Variants in WWP1 observed in about 807,000 individuals in gnomAD.
The protein encoded by WWP1 is WW domain containing E3 ubiquitin protein ligase 1.
WWP1 carries 49 observed loss-of-function variants against 130.6 expected under a neutral mutation model. The ratio of observed to expected loss-of-function variants is 0.38; its 90% confidence interval spans 0.30 to 0.48. WWP1 has a LOEUF of 0.48. Ranked by LOEUF, WWP1 falls within the 20% of genes least tolerant of loss-of-function variation. The pLI, the probability that WWP1 is intolerant of heterozygous loss-of-function variation, is 0.99. For missense variants in WWP1, 809 were observed against 1,100.6 expected (o/e 0.74, Z 3.75); for synonymous variants, 332 against 367.8 (o/e 0.90, Z 1.11).
chr8:86,442,837 CTT>C, intron 18 of WWP1, 59 bp downstream of exon 18: 1 of 1,332,562 alleles, frequency 7.5e-7, no homozygotes, highest in Non-Finnish European at 9.7e-7. Flanking sequence ...TTAGAGAAGG[CTT>C]TTAAAAAAAA....
At position 86,372,017 on chromosome 8, in the gene WWP1, A is replaced by ATTTTT. The variant is rs34458424; in HGVS notation, c.-21-1993_-21-1989dup. 1.6e-3 allele frequency among the ~76,000 whole-genome samples: 109 copies of ATTTTT among 70,196 alleles called. 5 individuals carry two copies. Among genetic ancestry groups the ATTTTT allele is most frequent in the African/African-American group, 6.0e-3 (101 of 16,784 alleles). 46.1% of individuals were successfully genotyped at this position (70,196 alleles called of 152,430 possible). A position where few individuals can be genotyped will look rare whatever the true frequency, so the allele number is the denominator to read the frequency against. The stretch of plus-strand genomic sequence containing the variant: ...ACCACCACGCCTGGCTAATTTTTGT[A>ATTTTT]TTTTTTTTTTTTTTTTTTTTTTTTG... On this transcript the variant is annotated intron_variant, in intron 2 of 24. Transcript: ENST00000517970.
intron 9 of WWP1, among the ~76,000 whole-genome samples, chr8:86,418,396 C>T (rs1313624600): frequency 6.6e-6 from 1 of 152,064 alleles, no homozygotes; most frequent in East Asian, 1.9e-4. Flanking sequence ...AGTTTCTGAG[C>T]ATCAAGAATC....
At chr8:86,400,402 G>A (rs886499609) in intron 7 of WWP1, among the ~76,000 whole-genome samples, 38 of 152,086 alleles carry the variant, frequency 2.5e-4, no homozygotes, top group African/African-American at 8.7e-4. Flanking sequence ...TAGACATAGC[G>A]ATAAGCACTA....
chr8:86,465,110 A>C (rs745949941), intron 24 of WWP1, among the ~76,000 whole-genome samples: 3 of 152,138 alleles, frequency 2.0e-5, no homozygotes, highest in Non-Finnish European at 4.4e-5. Flanking sequence ...GAATTGTTAG[A>C]GAATAGGCAA....
In WWP1 at chr8:86,387,412, A is replaced by G. The variant is rs1481165783; in HGVS notation, c.334+5783A>G. 2.6e-5 allele frequency among the ~76,000 whole-genome samples: 4 copies of G among 152,018 alleles called. No individual in the cohort carries two copies. In the East Asian group the frequency reaches 5.8e-4, roughly 22 times the overall value. On this transcript the variant is annotated intron_variant, in intron 5 of 24. Coordinates refer to ENST00000517970, the MANE Select transcript of WWP1 (RefSeq NM_007013.4). ...ACCACTTGTCTTGACCATAATCTTGATTTCTAATCTTTTAAAATATATTCT... is the reference window on the plus strand; with the variant it reads ...ACCACTTGTCTTGACCATAATCTTGGTTTCTAATCTTTTAAAATATATTCT...
intron 21 of WWP1, among the ~76,000 whole-genome samples, chr8:86,453,650 T>C (rs1315286537): frequency 6.6e-6 from 1 of 152,168 alleles, no homozygotes; most frequent in Non-Finnish European, 1.5e-5. Context: ...TTTACATTCC[T>C]ATTAAACATG....
Position 86,407,868 on chromosome 8 carries a change from A to C in WWP1, c.725-3670A>C, listed in dbSNP as rs182619665. On this transcript the variant is annotated intron_variant, in intron 8 of 24. Transcript: ENST00000517970. Reference sequence around the variant, plus strand: ...TTGCATTACTGTGATGTTTGTTACAATTAATGAACCATTAATAATACATTG... The same window carrying C: ...TTGCATTACTGTGATGTTTGTTACACTTAATGAACCATTAATAATACATTG... 3.6e-4 allele frequency among the ~76,000 whole-genome samples: 55 copies of C among 152,280 alleles called. 1 individual carries two copies. The highest frequency in any genetic ancestry group is 3.0e-3 in the Admixed American group (46 of 15,296).
intron 1 of WWP1, among the ~76,000 whole-genome samples, chr8:86,350,471 C>A (rs2093155458): frequency 6.6e-6 from 1 of 151,836 alleles, no homozygotes; most frequent in South Asian, 2.1e-4. Flanking sequence ...CGGGCCCCTG[C>A]ATCCTAATGC....
chr8:86,381,189 C>G (rs933346346), intron 4 of WWP1, among the ~76,000 whole-genome samples: 2 of 152,090 alleles, frequency 1.3e-5, no homozygotes, highest in Non-Finnish European at 2.9e-5. Flanking sequence ...GTAAAAGTAT[C>G]ATGTAAGTCT....
chr8:86,422,664 C>T (rs772893498), intron 9 of WWP1, among the ~76,000 whole-genome samples: 11 of 151,972 alleles, frequency 7.2e-5, no homozygotes, highest in African/African-American at 1.2e-4. Context: ...TGAGCCACCA[C>T]GCCCGGCCCA....
At chr8:86,430,457 A>T (rs546904301) in intron 11 of WWP1, among the ~76,000 whole-genome samples, 47 of 151,592 alleles carry the variant, frequency 3.1e-4, no homozygotes, top group African/African-American at 1.0e-3. Context: ...ATTAAAAAAA[A>T]ATTTTTTTTT....
chr8:86,436,355 C>A (rs914580881), intron 16 of WWP1, among the ~76,000 whole-genome samples: 1 of 152,094 alleles, frequency 6.6e-6, no homozygotes, highest in African/African-American at 2.4e-5. Flanking sequence ...CCTTTAATAA[C>A]TTTATTTTCA....
chr8:86,346,401 C>T (rs1350272839), intron 1 of WWP1, among the ~76,000 whole-genome samples: 1 of 151,992 alleles, frequency 6.6e-6, no homozygotes, highest in Non-Finnish European at 1.5e-5. Flanking sequence ...CCAGCCTGGG[C>T]AACAGAGCGA....
intron 5 of WWP1, among the ~76,000 whole-genome samples, chr8:86,396,246 C>T (rs756887477): frequency 5.3e-5 from 8 of 152,022 alleles, no homozygotes; most frequent in Non-Finnish European, 1.2e-4. Flanking sequence ...CTACAGGCAA[C>T]TGCCACCATG....
intron 4 of WWP1, 63 bp from the exon 5 acceptor site, chr8:86,381,442 T>C: frequency 2.0e-6 from 3 of 1,528,340 alleles, no homozygotes; most frequent in South Asian, 1.3e-5. Flanking sequence ...ATAGGAATTG[T>C]TACTTATTAA....
At chr8:86,362,431 G>A (rs938052687) in intron 1 of WWP1, among the ~76,000 whole-genome samples, 4 of 151,720 alleles carry the variant, frequency 2.6e-5, no homozygotes, top group African/African-American at 9.7e-5. Flanking sequence ...GTGTAAGGTG[G>A]CCACTGTTTG....
At chr8:86,397,924 G>T (rs922709873) in intron 5 of WWP1, among the ~76,000 whole-genome samples, 2 of 152,134 alleles carry the variant, frequency 1.3e-5, no homozygotes, top group African/African-American at 4.8e-5. Flanking sequence ...TTGTAATTAA[G>T]AAACCAAGGC....
intron 12 of WWP1, among the ~76,000 whole-genome samples, chr8:86,431,161 AT>A (rs1563526842): frequency 1.5e-5 from 2 of 137,730 alleles, no homozygotes; most frequent in East Asian, 2.0e-4. Context: ...TATAGAATAT[AT>A]ATTATATTCT....
intron 1 of WWP1, among the ~76,000 whole-genome samples, chr8:86,365,636 G>A (rs1050468618): frequency 2.0e-5 from 3 of 152,164 alleles, no homozygotes; most frequent in Non-Finnish European, 4.4e-5. Flanking sequence ...ATCAATCAGT[G>A]ATATAGGGAG....
Sources: allele counts gnomAD v4.1 joint callset (sites outside exome capture counted in the v4.1 genomes callset), GRCh38; gene constraint gnomAD v4.1.1; transcripts MANE v1.5; gene names NCBI Gene and HGNC (gene_info 2026-07-23, HGNC 2026-07-21).